The following PKD1L1 variants were observed in gnomAD, a reference collection of about 807,000 sequenced individuals.
The protein encoded by PKD1L1 is polycystin-1-like protein 1.
Under a neutral mutation model 323.4 loss-of-function variants are expected in PKD1L1, and 236 were observed. The ratio of observed to expected loss-of-function variants is 0.73; its 90% confidence interval spans 0.66 to 0.81. The LOEUF (loss-of-function observed/expected upper bound fraction) is 0.81, where lower values mean the gene tolerates loss of function less well. Ranked by LOEUF, PKD1L1 falls within the 40% of genes least tolerant of loss-of-function variation. PKD1L1 has a pLI of 0.00. For synonymous variants in PKD1L1, 1,344 were observed against 1,335.0 expected (o/e 1.01, Z -0.15); for missense variants, 3,320 against 3,508.0 (o/e 0.95, Z 1.35).
intron 28 of PKD1L1, among the ~76,000 whole-genome samples, chr7:47,857,064 T>A (rs1295031673): frequency 6.6e-6 from 1 of 152,232 alleles, no homozygotes; most frequent in Non-Finnish European, 1.5e-5. Context: ...CCCCTTTCAC[T>A]GTGGTCCCCT....
Position 47,904,389 on chromosome 7 carries a change from A to C in PKD1L1, c.1920T>G (p.His640Gln). 6.2e-7 allele frequency: 1 copy of C among 1,614,070 alleles called. No homozygotes were observed. Among genetic ancestry groups the C allele is most frequent in the Non-Finnish European group, 8.5e-7 (1 of 1,180,016 alleles). ...TVSLGSSSSS[H>Q]VYSREGEFTV... ...TTGCAGTGGCTCACCTACTGTAGACATGGCTGCTGGAGCTGCTCCCCAGGC... is the reference window on the plus strand; with the variant it reads ...TTGCAGTGGCTCACCTACTGTAGACCTGGCTGCTGGAGCTGCTCCCCAGGC... The change falls in exon 12 of 57, where the codon CAT becomes CAG. Residue 640 changes from histidine (H) to glutamine (Q), a missense_variant. By Grantham distance (24) the His-to-Gln change is conservative. Transcript: ENST00000289672.
the PKD1L1 span, among the ~76,000 whole-genome samples, chr7:47,958,055 C>G: frequency 6.6e-6 from 1 of 151,766 alleles, no homozygotes; most frequent in Non-Finnish European, 1.5e-5. Context: ...CAATTCCTAT[C>G]AAAATACCAA....
Position 47,881,840 on chromosome 7 carries a change from A to C in PKD1L1, c.3442+69T>G, listed in dbSNP as rs1206574900. On this transcript the variant is annotated intron_variant, in intron 20 of 56. Transcript: ENST00000289672. ...CTAGTAAAACGAAAAGTTCAGAAGA[A>C]ATTGAGGGCTGATATCTAAAAGCTT... 1.8e-5 allele frequency: 26 copies of C among 1,447,720 alleles called. No homozygotes were observed. In the Middle Eastern group the frequency reaches 6.2e-4, roughly 35 times the overall value. 89.7% of individuals were successfully genotyped at this position (1,447,720 alleles called of 1,614,324 possible). A position where few individuals can be genotyped will look rare whatever the true frequency, so the allele number is the denominator to read the frequency against.
rs539123064 is a variant in PKD1L1, at chr7:47,936,699, T to C, written c.398+147A>G. 36 of 620,556 alleles carry C rather than the reference T, an allele frequency of 5.8e-5. No homozygotes were observed. The Middle Eastern group carries it at 1.3e-3, about 23-fold the overall frequency. 38.4% of individuals were successfully genotyped at this position (620,556 alleles called of 1,614,324 possible). Reference sequence around the variant, plus strand: ...TTAACTTCAGAACACCATTCTTTTTTCCATCAATTTAAGAGCTGCATTTGC... The same window carrying C: ...TTAACTTCAGAACACCATTCTTTTTCCCATCAATTTAAGAGCTGCATTTGC... On this transcript the variant is annotated intron_variant, in intron 4 of 56. Transcript: ENST00000289672.
intron 46 of PKD1L1, chr7:47,818,325 C>A: frequency 1.7e-6 from 1 of 595,298 alleles, no homozygotes; most frequent in Non-Finnish European, 2.4e-6. Context: ...GAATTTTCAA[C>A]AGAGGAAAGT....
Position 47,854,919 on chromosome 7 carries a change from G to T in PKD1L1, c.4822C>A (p.Pro1608Thr). The change falls in exon 30 of 57, where the codon CCT becomes ACT. Residue 1608 changes from proline to threonine, a missense_variant. By Grantham distance (38) the Pro-to-Thr change is conservative. Coordinates refer to ENST00000289672, the MANE Select transcript of PKD1L1 (RefSeq NM_138295.5). Reference sequence around the variant, plus strand: ...ATGACGGGAAATGCCCTTGTAACAGGTTTGGAAAATTCAATTTCTATCTGT... The same window carrying T: ...ATGACGGGAAATGCCCTTGTAACAGTTTTGGAAAATTCAATTTCTATCTGT... ...SLQIEIEFSK[P>T]VTRAFPVMLL... 6.2e-7 allele frequency: 1 copy of T among 1,614,094 alleles called. No individual in the cohort carries two copies. Among genetic ancestry groups the T allele is most frequent in the Non-Finnish European group, 8.5e-7 (1 of 1,180,010 alleles).
At chr7:47,837,791 G>A (rs1045893433) in intron 36 of PKD1L1, among the ~76,000 whole-genome samples, 2 of 152,042 alleles carry the variant, frequency 1.3e-5, no homozygotes, top group Non-Finnish European at 2.9e-5. Context: ...ATAATGCGTG[G>A]GGCTCAATAT....
intron 7 of PKD1L1, among the ~76,000 whole-genome samples, chr7:47,928,990 T>C (rs1186629788): frequency 1.3e-5 from 2 of 152,206 alleles, no homozygotes; most frequent in African/African-American, 4.8e-5. Flanking sequence ...TTAAATGCAA[T>C]GAAGTATGTA....
In PKD1L1 at chr7:47,821,055, A is replaced by G. The variant is rs377170079; in HGVS notation, c.6965+21T>C. 1.1e-5 allele frequency: 16 copies of G among 1,464,346 alleles called. No homozygotes were observed. In the African/African-American group the frequency reaches 2.2e-4, roughly 20 times the overall value. The allele number at this position is 1,464,346 out of a possible 1,614,324, so 90.7% of individuals were successfully genotyped here. ...ATAGTGCAATGGCCCCAGATCTGGA[A>G]GAGTTACCCAAACCTCCTACCTTGT... On this transcript the variant is annotated intron_variant, in intron 46 of 56. Coordinates refer to ENST00000289672, the MANE Select transcript of PKD1L1 (RefSeq NM_138295.5).
intron 7 of PKD1L1, among the ~76,000 whole-genome samples, chr7:47,922,752 T>C (rs1433189678): frequency 6.8e-6 from 1 of 146,976 alleles, no homozygotes; most frequent in African/African-American, 2.6e-5. Context: ...GTTGGGGAGG[T>C]GGGGGGCAGC....
chr7:47,936,343 T>TG (rs1470417438), intron 4 of PKD1L1, among the ~76,000 whole-genome samples: 1 of 152,150 alleles, frequency 6.6e-6, no homozygotes, highest in Non-Finnish European at 1.5e-5. Context: ...CCACAGCCCC[T>TG]GGCAACCACC....
At chr7:47,785,066 G>A (rs1011360297) in intron 56 of PKD1L1, among the ~76,000 whole-genome samples, 1 of 152,152 alleles carries the variant, frequency 6.6e-6, no homozygotes, top group Non-Finnish European at 1.5e-5. Flanking sequence ...GGATGTGAGA[G>A]CAGGTGAGAA....
In PKD1L1 at chr7:47,831,285, A is replaced by C. The variant is rs1181157955; in HGVS notation, c.6405T>G (p.Ser2135=). The C allele has an allele frequency of 6.2e-7, 1 of 1,614,202 alleles. No individual in the cohort carries two copies. Among genetic ancestry groups the C allele is most frequent in the Non-Finnish European group, 8.5e-7 (1 of 1,180,026 alleles). The part of the protein sequence containing the change: ...WSRALQPWWS[S]AVWAICGTAS... ...CGGTCCCACAAATGGCCCACACTGC[A>C]GAGCTCCACCAAGGCTGAAGGGCCC... The change falls in exon 42 of 57, where the codon TCT becomes TCG. Residue 2135 remains serine, a synonymous_variant. Transcript: ENST00000289672.
chr7:47,916,236 T>C (rs1043768768), intron 7 of PKD1L1, among the ~76,000 whole-genome samples: 9 of 152,202 alleles, frequency 5.9e-5, no homozygotes, highest in Admixed American at 1.3e-4. Flanking sequence ...ACTGGAAAAT[T>C]GGACTATTTT....
rs374205210 is a variant in PKD1L1 at position 47,902,490 on chromosome 7, C to T, written c.1953G>A (p.Glu651=). The change falls in exon 13 of 57, where the codon GAG becomes GAA. Residue 651 remains glutamate (E), a synonymous_variant. Transcript: ENST00000289672. ...VYSREGEFTV[E]VLAFNNVSAS... is the part of the protein sequence containing the mutation. ...CACTGACATTATTGAAGGCAAGGACCTCCACTGTAAATTCTCCTTCCCTGG... is the reference window on the plus strand; with the variant it reads ...CACTGACATTATTGAAGGCAAGGACTTCCACTGTAAATTCTCCTTCCCTGG... 2.5e-6 allele frequency: 4 copies of T among 1,613,944 alleles called. No homozygotes were observed. The African/African-American group carries it at 5.3e-5, about 22-fold the overall frequency.
intron 7 of PKD1L1, among the ~76,000 whole-genome samples, chr7:47,917,910 T>TA (rs896248409): frequency 6.7e-4 from 102 of 151,794 alleles, no homozygotes; most frequent in Admixed American, 2.7e-3. Context: ...AAACTACAAT[T>TA]AAAAAAACCC....
At chr7:47,817,193 T>C (rs2128731229) in intron 46 of PKD1L1, among the ~76,000 whole-genome samples, 1 of 152,242 alleles carries the variant, frequency 6.6e-6, no homozygotes, top group Middle Eastern at 3.4e-3. Context: ...ATCATGCCAC[T>C]GCACTCCAGC....
At chr7:47,947,786 T>C (rs1040640851) in intron 1 of PKD1L1, among the ~76,000 whole-genome samples, 58 of 152,178 alleles carry the variant, frequency 3.8e-4, no homozygotes, top group African/African-American at 1.2e-3. Flanking sequence ...GCTAACACAG[T>C]GAAACCCCGT....
intron 7 of PKD1L1, among the ~76,000 whole-genome samples, chr7:47,924,132 T>A (rs750964769): frequency 2.0e-5 from 3 of 152,150 alleles, no homozygotes; most frequent in Admixed American, 1.3e-4. Flanking sequence ...AATGTAATAA[T>A]CACAGGCCTG....
Sources: gnomAD v4.1 joint callset for allele counts (sites outside exome capture counted in the v4.1 genomes callset) on GRCh38, gnomAD v4.1.1 for gene constraint, MANE v1.5 for transcripts, NCBI Gene and HGNC (gene_info 2026-07-23, HGNC 2026-07-21) for gene names.